The following FGF14 variants were observed in gnomAD, a reference collection of about 807,000 sequenced individuals.
FGF14 encodes fibroblast growth factor 14.
FGF14 carries 5 observed loss-of-function variants against 25.5 expected under a neutral mutation model. That is an observed-to-expected ratio of 0.20 (90% CI 0.10 to 0.41). FGF14 has a LOEUF of 0.41. Among genes scored for constraint, FGF14 ranks in the 10% least tolerant of loss-of-function variants. FGF14 has a pLI of 1.00. For missense variants in FGF14, 222 were observed against 320.1 expected, an observed-to-expected ratio of 0.69 and a Z score of 2.34; for synonymous variants, 138 against 118.3, an observed-to-expected ratio of 1.17 and a Z score of -1.08.
chr13:101,755,627 T>C (rs1276010232), intron 3 of FGF14, among the ~76,000 whole-genome samples: 1 of 152,214 alleles, frequency 6.6e-6, no homozygotes, highest in Admixed American at 6.5e-5. Flanking sequence ...TTGAAGAAAC[T>C]GCCTGAATTG....
chr13:102,193,500 G>T (rs2140837666), intron 1 of FGF14, among the ~76,000 whole-genome samples: 1 of 152,260 alleles, frequency 6.6e-6, no homozygotes, highest in East Asian at 1.9e-4. Flanking sequence ...TTTAACTTTT[G>T]CTGACCTTGA....
chr13:101,903,384 A>C (rs2031817225), intron 1 of FGF14, among the ~76,000 whole-genome samples: 1 of 152,168 alleles, frequency 6.6e-6, no homozygotes, highest in African/African-American at 2.4e-5. Context: ...TGTTATGTAC[A>C]CAAGCTGTAA....
intron 4 of FGF14, among the ~76,000 whole-genome samples, chr13:101,725,561 AGAT>A: frequency 6.6e-6 from 1 of 152,234 alleles, no homozygotes; most frequent in Middle Eastern, 3.4e-3. Flanking sequence ...ATACACTCAC[AGAT>A]GATGAAGAAT....
chr13:101,861,081 T>C (rs2044391681), intron 3 of FGF14, among the ~76,000 whole-genome samples: 1 of 152,168 alleles, frequency 6.6e-6, no homozygotes, highest in Non-Finnish European at 1.5e-5. Context: ...AACTTCTTTG[T>C]AATATCTAAC....
At chr13:102,067,489 A>G (rs149126004) in intron 1 of FGF14, among the ~76,000 whole-genome samples, 128 of 152,102 alleles carry the variant, frequency 8.4e-4, no homozygotes, top group African/African-American at 3.0e-3. Context: ...TTGCACAAAA[A>G]AAAAGATCCA....
At chr13:101,912,637 T>C (rs767976072) in intron 1 of FGF14, among the ~76,000 whole-genome samples, 2 of 152,200 alleles carry the variant, frequency 1.3e-5, no homozygotes, top group Admixed American at 1.3e-4. Context: ...ATATATTAGT[T>C]AAGCTTTAAA....
At chr13:102,247,764 G>A (rs767965822) in intron 1 of FGF14, among the ~76,000 whole-genome samples, 7 of 151,846 alleles carry the variant, frequency 4.6e-5, no homozygotes, top group Middle Eastern at 3.2e-3. Context: ...AAAATACATC[G>A]CTCTACCATA....
chr13:101,854,868 A>G (rs1447080150), intron 3 of FGF14, among the ~76,000 whole-genome samples: 1 of 152,050 alleles, frequency 6.6e-6, no homozygotes, highest in Non-Finnish European at 1.5e-5. Context: ...CAATAGCCCT[A>G]AGGATGGATT....
chr13:102,040,360 C>T (rs189789669), intron 1 of FGF14, among the ~76,000 whole-genome samples: 2 of 152,206 alleles, frequency 1.3e-5, no homozygotes, highest in African/African-American at 4.8e-5. Context: ...GTATACAATA[C>T]CTTTTTACAT....
At chr13:102,256,501 A>G (rs980152039) in intron 1 of FGF14, among the ~76,000 whole-genome samples, 2 of 152,156 alleles carry the variant, frequency 1.3e-5, no homozygotes, top group Non-Finnish European at 2.9e-5. Flanking sequence ...CTGTCTCAAA[A>G]AAAAGGAAGA....
At chr13:102,168,093 T>G (rs1291975470) in intron 1 of FGF14, among the ~76,000 whole-genome samples, 1 of 152,168 alleles carries the variant, frequency 6.6e-6, no homozygotes, top group Non-Finnish European at 1.5e-5. Flanking sequence ...AACAAATCAC[T>G]GACAGCCATT....
intron 3 of FGF14, among the ~76,000 whole-genome samples, chr13:101,866,559 T>A (rs2044716578): frequency 6.6e-6 from 1 of 151,692 alleles, no homozygotes; most frequent in Non-Finnish European, 1.5e-5. Flanking sequence ...GAGTGGATTG[T>A]ACAAATATCA....
chr13:102,277,256 CTT>C (rs1000244669), intron 1 of FGF14, among the ~76,000 whole-genome samples: 1 of 152,222 alleles, frequency 6.6e-6, no homozygotes, highest in African/African-American at 2.4e-5. Context: ...TGCAGTGTCT[CTT>C]TGTTTTAAAT....
chr13:102,278,683 T>G (rs1168994922), intron 1 of FGF14, among the ~76,000 whole-genome samples: 1 of 151,062 alleles, frequency 6.6e-6, no homozygotes, highest in African/African-American at 2.5e-5. Flanking sequence ...CACACTTCAT[T>G]AAGCTCCAGT....
intron 1 of FGF14, among the ~76,000 whole-genome samples, chr13:102,336,210 T>C (rs2138867347): frequency 6.6e-6 from 1 of 152,240 alleles, no homozygotes; most frequent in South Asian, 2.1e-4. Context: ...TTGCCAAGTG[T>C]AAATGTGAAG....
At chr13:102,229,075 C>T (rs2050957331) in intron 1 of FGF14, among the ~76,000 whole-genome samples, 1 of 152,070 alleles carries the variant, frequency 6.6e-6, no homozygotes, top group South Asian at 2.1e-4. Flanking sequence ...TGGTTATGCA[C>T]CCCAGGGAAG....
chr13:102,109,909 C>A (rs2045134222), intron 1 of FGF14, among the ~76,000 whole-genome samples: 1 of 152,124 alleles, frequency 6.6e-6, no homozygotes, highest in Non-Finnish European at 1.5e-5. Context: ...CATGAGCCAC[C>A]ACAGCCAGAT....
At chr13:102,361,251 C>G (rs1469653389) in intron 1 of FGF14, among the ~76,000 whole-genome samples, 2 of 152,128 alleles carry the variant, frequency 1.3e-5, no homozygotes, top group African/African-American at 4.8e-5. Flanking sequence ...CACTCTTCAC[C>G]TGGACTTGTC....
Position 101,722,958 on chromosome 13 carries a change from T to A in FGF14, c.617A>T (p.Tyr206Phe), listed in dbSNP as rs1362909437. The A allele has an allele frequency of 6.2e-7, 1 of 1,613,156 alleles. No homozygotes were observed. The highest frequency in any genetic ancestry group is 1.3e-5 in the African/African-American group (1 of 74,840). ...AACATCATGCAAAGATGGTTCTCGG[T>A]ACATGGCAACTAGTGATGGGAAGAA... ...FLPKPLEVAMYREPSLHDVGE... is the reference protein window; with the variant it reads ...FLPKPLEVAMFREPSLHDVGE... Residue 206 changes from tyrosine (Y) to phenylalanine (F), a missense_variant, in exon 5 of 5, where the codon TAC (tyrosine) becomes TTC (phenylalanine). Tyr to Phe is a conservative substitution (Grantham distance 22). This residue lies in a region of FGF14 where 66 missense variants were observed against 90.3 expected (regional missense o/e 0.73). Coordinates refer to ENST00000376143, the MANE Select transcript of FGF14 (RefSeq NM_004115.4).
Sources: allele counts gnomAD v4.1 joint callset (sites outside exome capture counted in the v4.1 genomes callset), GRCh38; gene constraint gnomAD v4.1.1; regional missense constraint gnomAD v4.1.1; transcripts MANE v1.5; gene names NCBI Gene and HGNC (gene_info 2026-07-23, HGNC 2026-07-21).